Variants in ANTXR2 observed in about 807,000 individuals in gnomAD.
ANTXR2 encodes anthrax toxin receptor 2.
Under a neutral mutation model 73.7 loss-of-function variants are expected in ANTXR2, and 44 were observed. The observed-to-expected ratio is 0.60, with a 90% confidence interval of 0.47 to 0.77. The LOEUF (loss-of-function observed/expected upper bound fraction) is 0.77. ANTXR2 is among the 30% of genes least tolerant of loss of function. The probability of loss-of-function intolerance (pLI) is 0.00; values close to 1 mark genes in which losing one functional copy is unlikely to be tolerated. For synonymous variants in ANTXR2, 217 were observed against 205.9 expected, an observed-to-expected ratio of 1.05 and a Z score of -0.46; for missense variants, 604 against 592.5, an observed-to-expected ratio of 1.02 and a Z score of -0.20.
intron 3 of ANTXR2, among the ~76,000 whole-genome samples, chr4:80,061,027 T>C (rs1482992844): frequency 6.6e-6 from 1 of 152,150 alleles, no homozygotes; most frequent in African/African-American, 2.4e-5. Context: ...CTAAGACTGT[T>C]AACCAGAGTC....
intron 16 of ANTXR2, among the ~76,000 whole-genome samples, chr4:79,956,979 G>T (rs1416989331): frequency 6.6e-6 from 1 of 152,060 alleles, no homozygotes; most frequent in Non-Finnish European, 1.5e-5. Flanking sequence ...TTTCACCTAA[G>T]AATCCACTTG....
chr4:80,010,074 G>T (rs1731499116), intron 11 of ANTXR2, among the ~76,000 whole-genome samples: 1 of 150,000 alleles, frequency 6.7e-6, no homozygotes, highest in Non-Finnish European at 1.5e-5. Context: ...AAAAATTCAG[G>T]GAAGAAAAGA....
intron 7 of ANTXR2, among the ~76,000 whole-genome samples, chr4:80,047,081 A>G (rs1733550313): frequency 6.6e-6 from 1 of 151,738 alleles, no homozygotes; most frequent in South Asian, 2.1e-4. Flanking sequence ...TTGGAATTTC[A>G]TTTTATCTGT....
At chr4:79,965,521 T>C (rs992889679) in intron 16 of ANTXR2, among the ~76,000 whole-genome samples, 3 of 152,250 alleles carry the variant, frequency 2.0e-5, no homozygotes, top group African/African-American at 7.2e-5. Flanking sequence ...GTTTAAAAAT[T>C]GCTTTATAAG....
At chr4:79,955,075 A>C (rs1728840193) in intron 16 of ANTXR2, among the ~76,000 whole-genome samples, 1 of 152,202 alleles carries the variant, frequency 6.6e-6, no homozygotes, top group Admixed American at 6.5e-5. Context: ...TACAGTTGTG[A>C]CACAAGACAG....
chr4:80,042,167 A>G (rs73829348), intron 7 of ANTXR2, among the ~76,000 whole-genome samples: 1 of 152,176 alleles, frequency 6.6e-6, no homozygotes, highest in African/African-American at 2.4e-5. Context: ...AGCATCATTC[A>G]GAACCTAAAA....
At chr4:79,953,335 C>G (rs72871888) in intron 16 of ANTXR2, among the ~76,000 whole-genome samples, 16,104 of 152,138 alleles carry the variant, frequency 0.11, 2,763 homozygotes, top group African/African-American at 0.36. Context: ...AAATCAGTTG[C>G]TCCATAGATC....
chr4:79,945,630 T>G (rs867884119), intron 16 of ANTXR2, among the ~76,000 whole-genome samples: 7 of 152,134 alleles, frequency 4.6e-5, no homozygotes, highest in Non-Finnish European at 8.8e-5. Flanking sequence ...TAGATACCTT[T>G]GTATCACAGC....
intron 7 of ANTXR2, among the ~76,000 whole-genome samples, chr4:80,048,851 T>C (rs1237665628): frequency 1.3e-5 from 2 of 151,736 alleles, no homozygotes; most frequent in Non-Finnish European, 3.0e-5. Context: ...ATGAAGCTTA[T>C]ATCTCCAGCA....
intron 10 of ANTXR2, among the ~76,000 whole-genome samples, chr4:80,021,124 T>C (rs896352112): frequency 1.6e-4 from 18 of 115,024 alleles, no homozygotes; most frequent in African/African-American, 5.3e-4. Flanking sequence ...ACCCCCAGCC[T>C]GGGCGACAGA....
chr4:79,993,151 A>G (rs957584298), intron 12 of ANTXR2, among the ~76,000 whole-genome samples: 18 of 152,072 alleles, frequency 1.2e-4, no homozygotes, highest in Non-Finnish European at 2.4e-4. Context: ...ACTTTCTAGT[A>G]TTTAATAGAA....
chr4:79,918,788 G>C (rs1378905755), intron 16 of ANTXR2, among the ~76,000 whole-genome samples: 1 of 151,924 alleles, frequency 6.6e-6, no homozygotes, highest in South Asian at 2.1e-4. Context: ...AAATACACAA[G>C]TAATATAAAT....
At chr4:80,031,259 TGTGC>T in intron 10 of ANTXR2, among the ~76,000 whole-genome samples, 1 of 61,454 alleles carries the variant, frequency 1.6e-5, no homozygotes, top group Admixed American at 2.5e-4. Context: ...GAACTGGGTG[TGTGC>T]ATGCACACAC....
intron 16 of ANTXR2, among the ~76,000 whole-genome samples, chr4:79,909,809 T>C (rs1220249167): frequency 2.0e-5 from 3 of 152,194 alleles, no homozygotes; most frequent in Non-Finnish European, 4.4e-5. Context: ...TGTAATTTTA[T>C]TTTTCAAAAA....
rs1290616790 is a variant in ANTXR2 at position 79,904,707 on chromosome 4, T to A, written c.*2722A>T. 6.6e-6 allele frequency: 1 copy of A among 152,178 alleles called. No individual in the cohort carries two copies. The highest frequency in any genetic ancestry group is 1.5e-5 in the Non-Finnish European group (1 of 68,010). The allele number at this position is 152,178 out of a possible 1,614,324, so 9.4% of individuals were successfully genotyped here. A position where few individuals can be genotyped will look rare whatever the true frequency, so the allele number is the denominator to read the frequency against. On this transcript the variant is annotated 3_prime_UTR_variant, in exon 17 of 17. Transcript: ENST00000403729. ...CCACTTAATTGTTTTTGCAACCTTA[T>A]GCAACACGAATGGATTATGTGCAAG... is the stretch of plus-strand genomic sequence containing the variant.
intron 11 of ANTXR2, among the ~76,000 whole-genome samples, chr4:80,016,124 T>C (rs952145706): frequency 2.6e-5 from 4 of 152,140 alleles, no homozygotes; most frequent in African/African-American, 4.8e-5. Flanking sequence ...ATAAATCTAA[T>C]AATATGAAAA....
At chr4:80,026,523 C>G (rs944259280) in intron 10 of ANTXR2, among the ~76,000 whole-genome samples, 3 of 148,272 alleles carry the variant, frequency 2.0e-5, no homozygotes, top group Admixed American at 6.9e-5. Context: ...GATTTAAGTA[C>G]CTATTTCAAG....
intron 12 of ANTXR2, among the ~76,000 whole-genome samples, chr4:80,003,596 A>G (rs1731161588): frequency 6.6e-6 from 1 of 152,044 alleles, no homozygotes; most frequent in South Asian, 2.1e-4. Context: ...AAGAAAATGG[A>G]CAAAATACAT....
rs548101279 is a variant in ANTXR2, at chr4:79,911,357, G to A, written c.1429-3890C>T. ...ATTAGTTAATAATGTTTCTTTTTCT[G>A]AGACTATTTCACTTTTATAACAAAT... On this transcript the variant is annotated intron_variant, in intron 16 of 16. Coordinates refer to ENST00000403729, the MANE Select transcript of ANTXR2 (RefSeq NM_058172.6). Among the ~76,000 whole-genome samples the A allele has an allele frequency of 3.3e-5, 5 of 152,196 alleles. No individual in the cohort carries two copies. The East Asian group carries it at 9.6e-4, about 29-fold the overall frequency.
Sources: allele counts gnomAD v4.1 joint callset (sites outside exome capture counted in the v4.1 genomes callset), GRCh38; gene constraint gnomAD v4.1.1; transcripts MANE v1.5; gene names NCBI Gene and HGNC (gene_info 2026-07-23, HGNC 2026-07-21).